The following NEURL1 variants were observed in gnomAD, a reference collection of about 807,000 sequenced individuals.
NEURL1 encodes the protein neuralized E3 ubiquitin protein ligase 1.
A neutral mutation model predicts 41.2 loss-of-function variants in NEURL1; 26 were observed. The ratio of observed to expected loss-of-function variants is 0.63; its 90% CI spans 0.46 to 0.87. The LOEUF (loss-of-function observed/expected upper bound fraction) is 0.87. Among genes scored for constraint, NEURL1 ranks in the 40% least tolerant of loss-of-function variants. The pLI is 0.00. For synonymous variants in NEURL1, 400 were observed against 402.3 expected, an observed-to-expected ratio of 0.99 and a Z score of 0.07; for missense variants, 761 against 871.1, an observed-to-expected ratio of 0.87 and a Z score of 1.59.
intron 1 of NEURL1, among the ~76,000 whole-genome samples, chr10:103,519,525 G>C (rs1328066279): frequency 6.6e-6 from 1 of 152,166 alleles, no homozygotes; most frequent in African/African-American, 2.4e-5. Context: ...TGGAGTCCTG[G>C]GCTCACCTGC....
intron 1 of NEURL1, among the ~76,000 whole-genome samples, chr10:103,532,810 G>A (rs1000188187): frequency 6.6e-6 from 1 of 151,494 alleles, no homozygotes. Context: ...ATCTATTTGG[G>A]AATCTTTGAG....
At chr10:103,506,728 T>C (rs2033955079) in intron 1 of NEURL1, among the ~76,000 whole-genome samples, 1 of 152,060 alleles carries the variant, frequency 6.6e-6, no homozygotes, top group African/African-American at 2.4e-5. Flanking sequence ...CCCAGCTAAT[T>C]TTTGTATTTT....
At chr10:103,536,650 G>C (rs577661304) in intron 1 of NEURL1, among the ~76,000 whole-genome samples, 19 of 152,038 alleles carry the variant, frequency 1.2e-4, no homozygotes, top group Non-Finnish European at 2.2e-4. Flanking sequence ...TTCCAGTCTT[G>C]TTCTCCTCCC....
At chr10:103,546,917 C>A (rs1360636607) in intron 1 of NEURL1, among the ~76,000 whole-genome samples, 1 of 152,212 alleles carries the variant, frequency 6.6e-6, no homozygotes, top group Non-Finnish European at 1.5e-5. Flanking sequence ...GAGATCAAAT[C>A]CCGACTCTGC....
At chr10:103,555,422 C>G in intron 1 of NEURL1, 1 of 1,357,254 alleles carries the variant, frequency 7.4e-7, no homozygotes, top group Non-Finnish European at 9.8e-7. Flanking sequence ...CGGTAAGGCC[C>G]CGCGGATGCC....
intron 3 of NEURL1, among the ~76,000 whole-genome samples, chr10:103,578,605 A>G (rs1044043996): frequency 1.3e-5 from 2 of 152,254 alleles, no homozygotes; most frequent in African/African-American, 4.8e-5. Context: ...GAGACCCACT[A>G]GACCAGATGA....
At chr10:103,564,855 C>T (rs1228080052) in intron 1 of NEURL1, among the ~76,000 whole-genome samples, 1 of 152,124 alleles carries the variant, frequency 6.6e-6, no homozygotes, top group Non-Finnish European at 1.5e-5. Context: ...CCACCCCACT[C>T]CCTGCCTCCA....
rs1013762015 is a variant in NEURL1, at chr10:103,566,935, T to G, written c.86-3937T>G. On this transcript the variant is annotated intron_variant, in intron 1 of 5. Coordinates refer to ENST00000369780, the MANE Select transcript of NEURL1 (RefSeq NM_004210.5). This position sits in a 1 kb window ranked among gnomAD's most constrained non-coding sequence, Gnocchi z 4.2. ...GTATTGCCCTGTGTGCTACATGAGA[T>G]GGTTTTGGGTGGTACATAAAGGAAA... Among the ~76,000 whole-genome samples the G allele has an allele frequency of 6.6e-6, 1 of 152,074 alleles. No homozygotes were observed. The highest frequency in any genetic ancestry group is 1.9e-4 in the East Asian group (1 of 5,202).
intron 1 of NEURL1, among the ~76,000 whole-genome samples, chr10:103,517,654 A>G (rs1301064463): frequency 2.6e-5 from 4 of 152,268 alleles, no homozygotes; most frequent in African/African-American, 7.2e-5. Context: ...GAGTCAAATC[A>G]GAAGTCAATG....
intron 1 of NEURL1, among the ~76,000 whole-genome samples, chr10:103,533,148 C>G (rs2034609264): frequency 6.6e-6 from 1 of 151,620 alleles, no homozygotes; most frequent in Non-Finnish European, 1.5e-5. Flanking sequence ...AGGATGGTGT[C>G]CATCTCCTGA....
intron 3 of NEURL1, among the ~76,000 whole-genome samples, chr10:103,578,998 C>CG (rs772453019): frequency 2.6e-5 from 4 of 152,224 alleles, no homozygotes; most frequent in Non-Finnish European, 4.4e-5. Context: ...GCCAGTGCTC[C>CG]GGATGTGAGA....
At chr10:103,503,051 G>C (rs2033860264) in intron 1 of NEURL1, among the ~76,000 whole-genome samples, 1 of 152,242 alleles carries the variant, frequency 6.6e-6, no homozygotes, top group Non-Finnish European at 1.5e-5. Flanking sequence ...GAGACAAGCT[G>C]GCCGATAGGA....
intron 1 of NEURL1, among the ~76,000 whole-genome samples, chr10:103,522,071 G>A (rs1195477859): frequency 6.6e-6 from 1 of 152,152 alleles, no homozygotes; most frequent in Non-Finnish European, 1.5e-5. Flanking sequence ...GAGCCAGGAG[G>A]AGGAATTTCA....
intron 1 of NEURL1, among the ~76,000 whole-genome samples, chr10:103,553,880 G>A (rs1446994806): frequency 1.3e-5 from 2 of 152,226 alleles, no homozygotes; most frequent in Admixed American, 6.5e-5. Flanking sequence ...CCAGGGCCAG[G>A]GAGGATGGTG....
intron 1 of NEURL1, among the ~76,000 whole-genome samples, chr10:103,533,686 G>A (rs551372576): frequency 8.5e-5 from 13 of 152,074 alleles, no homozygotes; most frequent in Non-Finnish European, 1.3e-4. Flanking sequence ...ACAGGCGCCC[G>A]CCATCACACC....
At chr10:103,517,125 C>T (rs1564807301) in intron 1 of NEURL1, among the ~76,000 whole-genome samples, 1 of 151,736 alleles carries the variant, frequency 6.6e-6, no homozygotes, top group Non-Finnish European at 1.5e-5. Context: ...CTCCTGGGCT[C>T]AAGGGATCCT....
intron 1 of NEURL1, among the ~76,000 whole-genome samples, chr10:103,555,899 C>G (rs532422319): frequency 1.3e-5 from 2 of 152,164 alleles, no homozygotes; most frequent in African/African-American, 4.8e-5. Flanking sequence ...GCTGGAGCCC[C>G]GCAAAGACAT....
In NEURL1 at chr10:103,506,122, G is replaced by A. The variant is rs527369410; in HGVS notation, c.85+11650G>A. ...GGGGTAAGGACGGAAAAGGGAGAAC[G>A]TTGACAGGCGAGGTTGCTAGGATTA... On this transcript the variant is annotated intron_variant, in intron 1 of 5. Coordinates refer to ENST00000369780, the MANE Select transcript of NEURL1 (RefSeq NM_004210.5). Among the ~76,000 whole-genome samples the A allele has an allele frequency of 1.2e-4, 19 of 152,316 alleles. No homozygotes were observed. The South Asian group carries it at 3.7e-3, about 30-fold the overall frequency.
intron 1 of NEURL1, among the ~76,000 whole-genome samples, chr10:103,557,574 C>A (rs2035183717): frequency 6.6e-6 from 1 of 152,182 alleles, no homozygotes; most frequent in Non-Finnish European, 1.5e-5. Flanking sequence ...TGGGCCTTTG[C>A]CATTGCACAA....
Sources: allele counts gnomAD v4.1 joint callset (sites outside exome capture counted in the v4.1 genomes callset), GRCh38; gene constraint gnomAD v4.1.1; non-coding constraint Gnocchi (gnomAD v3.1); transcripts MANE v1.5; gene names NCBI Gene and HGNC (gene_info 2026-07-23, HGNC 2026-07-21).